Variants in GOLM2 observed in about 807,000 individuals in gnomAD.
GOLM2 encodes the protein protein GOLM2.
GOLM2 carries 26 observed loss-of-function variants against 55.9 expected under a neutral mutation model. That is an observed-to-expected ratio of 0.47 (90% CI 0.34 to 0.65). The LOEUF (loss-of-function observed/expected upper bound fraction) is 0.65. GOLM2 is among the 30% of genes least tolerant of loss of function. The pLI, the probability that GOLM2 is intolerant of heterozygous loss-of-function variation, is 0.01. For missense variants in GOLM2, 486 were observed against 531.8 expected (o/e 0.91, Z 0.85); for synonymous variants, 165 against 194.6 (o/e 0.85, Z 1.27).
chr15:44,368,303 ATTTTT>A lies in GOLM2; in HGVS notation c.803-11371_803-11367del, dbSNP rs1245673474. ...CAGGCATGCACCACCACGCCCAGCT[ATTTTT>A]TTTTTTTTTTTTTTTGTACTTTTAT... On this transcript the variant is annotated intron_variant, in intron 6 of 9. Coordinates refer to ENST00000299957, the MANE Select transcript of GOLM2 (RefSeq NM_138423.4). 2.8e-3 allele frequency among the ~76,000 whole-genome samples: 328 copies of A among 115,658 alleles called. 1 individual carries two copies. Among genetic ancestry groups the A allele is most frequent in the African/African-American group, 1.0e-2 (306 of 30,726 alleles). 75.9% of individuals were successfully genotyped at this position (115,658 alleles called of 152,430 possible).
intron 1 of GOLM2, among the ~76,000 whole-genome samples, chr15:44,297,328 G>C (rs536815053): frequency 3.7e-4 from 57 of 152,212 alleles, no homozygotes; most frequent in African/African-American, 1.3e-3. Context: ...GACTACATCA[G>C]GTTAGAATTC....
chr15:44,397,643 A>G (rs1238165027), intron 8 of GOLM2, among the ~76,000 whole-genome samples: 2 of 152,066 alleles, frequency 1.3e-5, no homozygotes, highest in Non-Finnish European at 2.9e-5. Context: ...TGTTTTCTGT[A>G]AATATTTATT....
chr15:44,329,364 C>T (rs1442571635), intron 3 of GOLM2, among the ~76,000 whole-genome samples: 1 of 152,074 alleles, frequency 6.6e-6, no homozygotes, highest in Admixed American at 6.5e-5. Flanking sequence ...AAAGATTTGC[C>T]ATATTTTAAA....
chr15:44,309,708 T>C (rs2078860913), intron 1 of GOLM2, among the ~76,000 whole-genome samples: 1 of 152,228 alleles, frequency 6.6e-6, no homozygotes, highest in Non-Finnish European at 1.5e-5. Flanking sequence ...TAACACTTTA[T>C]CTCTGGCATA....
At chr15:44,396,815 G>C (rs1439623688) in intron 8 of GOLM2, among the ~76,000 whole-genome samples, 1 of 152,154 alleles carries the variant, frequency 6.6e-6, no homozygotes, top group Non-Finnish European at 1.5e-5. Context: ...ACTTAGCCCA[G>C]AAAAGGAATT....
chr15:44,315,326 A>G (rs965021379), intron 1 of GOLM2, among the ~76,000 whole-genome samples: 1 of 152,236 alleles, frequency 6.6e-6, no homozygotes, highest in African/African-American at 2.4e-5. Context: ...ATAAATGGTC[A>G]TAGTTGTGCT....
rs905516629 is a variant in GOLM2, at chr15:44,288,955, A to G, written c.-75A>G. Reference sequence around the variant, plus strand: ...GCCCTGGGGCCGTGTCCGCCGGGCAACTCCAGCCGAGGCCTGGGCTTCTGC... The same window carrying G: ...GCCCTGGGGCCGTGTCCGCCGGGCAGCTCCAGCCGAGGCCTGGGCTTCTGC... On this transcript the variant is annotated 5_prime_UTR_variant, in exon 1 of 10. Coordinates refer to ENST00000299957, the MANE Select transcript of GOLM2 (RefSeq NM_138423.4). 2 of 1,397,926 alleles carry G rather than the reference A, an allele frequency of 1.4e-6. No homozygotes were observed. The highest frequency in any genetic ancestry group is 1.9e-6 in the Non-Finnish European group (2 of 1,028,128). The allele number at this position is 1,397,926 out of a possible 1,614,324, so 86.6% of individuals were successfully genotyped here. A position where few individuals can be genotyped will look rare whatever the true frequency, so the allele number is the denominator to read the frequency against.
intron 1 of GOLM2, among the ~76,000 whole-genome samples, chr15:44,292,327 G>C (rs2078726969): frequency 6.6e-6 from 1 of 151,130 alleles, no homozygotes; most frequent in Non-Finnish European, 1.5e-5. Flanking sequence ...CTCCTGAGTA[G>C]CTGGGACTAC....
intron 1 of GOLM2, among the ~76,000 whole-genome samples, chr15:44,320,703 A>G (rs557455180): frequency 6.6e-6 from 1 of 152,310 alleles, no homozygotes; most frequent in African/African-American, 2.4e-5. Context: ...CACCTAGAAC[A>G]TTTATATTTT....
chr15:44,353,722 A>G (rs538701777), intron 6 of GOLM2, among the ~76,000 whole-genome samples: 3 of 152,296 alleles, frequency 2.0e-5, no homozygotes, highest in South Asian at 4.1e-4. Context: ...GGTGGGAACT[A>G]AAAATTAAAA....
At chr15:44,389,506 C>A (rs2079473266) in intron 8 of GOLM2, among the ~76,000 whole-genome samples, 2 of 152,056 alleles carry the variant, frequency 1.3e-5, no homozygotes, top group Admixed American at 1.3e-4. Flanking sequence ...CCAGCTTAGA[C>A]AACAGAGTGA....
intron 6 of GOLM2, among the ~76,000 whole-genome samples, chr15:44,362,785 T>G (rs548177673): frequency 6.6e-6 from 1 of 152,278 alleles, no homozygotes; most frequent in East Asian, 1.9e-4. Flanking sequence ...CTACCTGACT[T>G]CAAACTATAC....
chr15:44,328,922 C>T (rs980881096), intron 3 of GOLM2, 135 bp downstream of exon 3: 10 of 542,880 alleles, frequency 1.8e-5, no homozygotes, highest in African/African-American at 3.9e-5. Flanking sequence ...TTTTAAATTC[C>T]TTTTCTATTA....
At chr15:44,360,482 C>A (rs1053240505) in intron 6 of GOLM2, among the ~76,000 whole-genome samples, 1 of 152,152 alleles carries the variant, frequency 6.6e-6, no homozygotes, top group Admixed American at 6.6e-5. Flanking sequence ...GTAAAGGGAT[C>A]GATTCAACAA....
intron 6 of GOLM2, among the ~76,000 whole-genome samples, chr15:44,344,876 C>T (rs549537707): frequency 6.1e-4 from 91 of 149,834 alleles, no homozygotes; most frequent in South Asian, 1.3e-3. Context: ...CTCCTGGGTT[C>T]GCGCCATTCT....
At chr15:44,337,680 G>A (rs2079066095) in intron 4 of GOLM2, 83 bp from the exon 5 acceptor site, 4 of 1,000,924 alleles carry the variant, frequency 4.0e-6, no homozygotes, top group Admixed American at 6.1e-5. Context: ...AAGATGAACT[G>A]TTTCAGAACA....
chr15:44,339,246 A>G (rs1325144278), intron 6 of GOLM2, among the ~76,000 whole-genome samples: 1 of 152,206 alleles, frequency 6.6e-6, no homozygotes, highest in Non-Finnish European at 1.5e-5. Flanking sequence ...AAAGGTAAGG[A>G]CAAAAGCAAT....
At position 44,403,060 on chromosome 15, in the gene GOLM2, C is replaced by CGTG; in HGVS notation, c.1240+8_1240+10dup. On this transcript the variant is annotated splice_region_variant and intron_variant, in intron 9 of 9. Coordinates refer to ENST00000299957, the MANE Select transcript of GOLM2 (RefSeq NM_138423.4). ...TGGAGAGGAAGACGTCCAAGGTGAG[C>CGTG]GTGGGCCTGGCCTCCATGCTATAAC... 6.2e-7 allele frequency: 1 copy of CGTG among 1,613,906 alleles called. No homozygotes were observed. The highest frequency in any genetic ancestry group is 8.5e-7 in the Non-Finnish European group (1 of 1,179,928).
chr15:44,411,751 C>T (rs1262690452), intron 9 of GOLM2, among the ~76,000 whole-genome samples: 3 of 151,274 alleles, frequency 2.0e-5, no homozygotes, highest in Non-Finnish European at 4.4e-5. Context: ...TTCCCTTGAA[C>T]CCAGGAGACA....
Sources: allele counts gnomAD v4.1 joint callset (sites outside exome capture counted in the v4.1 genomes callset), GRCh38; gene constraint gnomAD v4.1.1; transcripts MANE v1.5; gene names NCBI Gene and HGNC (gene_info 2026-07-23, HGNC 2026-07-21).